The following ZBTB7C variants were observed in gnomAD, a reference collection of about 807,000 sequenced individuals.
ZBTB7C encodes the protein zinc finger and BTB domain-containing protein 7C.
ZBTB7C carries 8 observed loss-of-function variants against 25.7 expected under a neutral mutation model. The observed-to-expected ratio is 0.31, with a 90% confidence interval of 0.18 to 0.56. The LOEUF is 0.56. Ranked by LOEUF, ZBTB7C falls within the 20% of genes least tolerant of loss-of-function variation. The pLI is 0.91. For missense variants in ZBTB7C, 824 were observed against 855.2 expected (o/e 0.96, Z 0.46); for synonymous variants, 394 against 369.0 (o/e 1.07, Z -0.78).
At chr18:48,142,903 T>A (rs1423598616) in intron 3 of ZBTB7C, among the ~76,000 whole-genome samples, 1 of 152,068 alleles carries the variant, frequency 6.6e-6, no homozygotes, top group Non-Finnish European at 1.5e-5. Flanking sequence ...TTCCTTCCCT[T>A]CACAGGTATG....
At chr18:48,292,943 C>T (rs1390569460) in intron 2 of ZBTB7C, among the ~76,000 whole-genome samples, 3 of 152,264 alleles carry the variant, frequency 2.0e-5, no homozygotes, top group East Asian at 3.9e-4. Context: ...TGGTGACACC[C>T]CCACCCCTGC....
At chr18:48,344,480 G>A (rs1303217097) in intron 1 of ZBTB7C, among the ~76,000 whole-genome samples, 2 of 152,074 alleles carry the variant, frequency 1.3e-5, no homozygotes, top group African/African-American at 4.8e-5. Context: ...AGTGGAGGAC[G>A]TCCTGGCACG....
upstream of ZBTB7C, chr18:48,409,524 G>C (rs966627685): frequency 6.8e-6 from 1 of 147,988 alleles, no homozygotes; most frequent in Non-Finnish European, 1.5e-5. Context: ...GGCTCGGGGG[G>C]CGCACAGGGC....
At chr18:48,055,180 C>T (rs1221545138) in intron 3 of ZBTB7C, among the ~76,000 whole-genome samples, 2 of 151,374 alleles carry the variant, frequency 1.3e-5, no homozygotes, top group East Asian at 1.9e-4. Flanking sequence ...GAGGCTGAGG[C>T]GGGAGGATCA....
intron 3 of ZBTB7C, among the ~76,000 whole-genome samples, chr18:48,164,833 T>C (rs1255989216): frequency 6.6e-6 from 1 of 152,138 alleles, no homozygotes. Context: ...CAGATGACTT[T>C]AGACATATTA....
rs4940202 is a variant in ZBTB7C, at chr18:48,035,806, A to T, written c.1208+4094T>A. Among the ~76,000 whole-genome samples, 616 of 152,192 alleles carry T rather than the reference A, an allele frequency of 4.0e-3. 4 individuals are homozygous for T. The highest frequency in any genetic ancestry group is 0.014 in the African/African-American group (574 of 41,532). On this transcript the variant is annotated intron_variant, in intron 4 of 4. Transcript: ENST00000590800. Reference sequence around the variant, plus strand: ...TCCTAACCTTTGGCTCCTGGCTTCCAGACTTTCTGGGAAGAGAAGGGAAAG... The same window carrying T: ...TCCTAACCTTTGGCTCCTGGCTTCCTGACTTTCTGGGAAGAGAAGGGAAAG...
At chr18:48,257,885 T>C (rs2044064189) in intron 2 of ZBTB7C, among the ~76,000 whole-genome samples, 1 of 151,772 alleles carries the variant, frequency 6.6e-6, no homozygotes, top group Non-Finnish European at 1.5e-5. Context: ...TCAATAAATA[T>C]CAGCTGGGCA....
intron 2 of ZBTB7C, among the ~76,000 whole-genome samples, chr18:48,322,088 A>C (rs559185920): frequency 6.6e-6 from 1 of 152,294 alleles, no homozygotes; most frequent in South Asian, 2.1e-4. Context: ...CAAACAAGAG[A>C]GGCCATTTTC....
chr18:48,354,311 C>T (rs2046928317), intron 1 of ZBTB7C, among the ~76,000 whole-genome samples: 1 of 152,156 alleles, frequency 6.6e-6, no homozygotes, highest in Admixed American at 6.5e-5. Context: ...AGGTGCACAC[C>T]ACTGTGTCCA....
chr18:48,374,864 G>A (rs1389090500), intron 1 of ZBTB7C, among the ~76,000 whole-genome samples: 1 of 152,244 alleles, frequency 6.6e-6, no homozygotes, highest in Non-Finnish European at 1.5e-5. Flanking sequence ...CACAAGAGCT[G>A]TGAGGCCAGC....
In ZBTB7C at chr18:48,029,350, C is replaced by T. The variant is rs766210423; in HGVS notation, c.1770G>A (p.Pro590=). Residue 590 remains proline, a synonymous_variant, in exon 5 of 5, where the codon CCG becomes CCA. Coordinates refer to ENST00000590800, the MANE Select transcript of ZBTB7C (RefSeq NM_001318841.2). ...ENVAAARPYF[P]LPDPWAAGLA... The stretch of plus-strand genomic sequence containing the variant: ...GGCCGGCGGCCCAAGGGTCGGGCAG[C>T]GGGAAGTAGGGCCGCGCCGCCGCCA... 8.4e-6 allele frequency: 13 copies of T among 1,544,614 alleles called. No homozygotes were observed. The highest frequency in any genetic ancestry group is 4.9e-5 in the East Asian group (2 of 41,098).
At chr18:48,067,289 T>C (rs1001219082) in intron 3 of ZBTB7C, among the ~76,000 whole-genome samples, 1 of 152,142 alleles carries the variant, frequency 6.6e-6, no homozygotes, top group African/African-American at 2.4e-5. Flanking sequence ...CCATGATAAA[T>C]AAAACAGCAA....
At chr18:48,323,898 A>C (rs2144868884) in intron 2 of ZBTB7C, among the ~76,000 whole-genome samples, 1 of 152,096 alleles carries the variant, frequency 6.6e-6, no homozygotes, top group Admixed American at 6.5e-5. Flanking sequence ...ATATGCTGAA[A>C]CCCTAATCGC....
chr18:48,358,782 C>A (rs2047035726), intron 1 of ZBTB7C, among the ~76,000 whole-genome samples: 1 of 152,170 alleles, frequency 6.6e-6, no homozygotes, highest in African/African-American at 2.4e-5. Flanking sequence ...AGAGTGGTGA[C>A]AAGCCTGTGA....
chr18:48,376,890 T>G (rs867537462), intron 1 of ZBTB7C, among the ~76,000 whole-genome samples: 1 of 152,160 alleles, frequency 6.6e-6, no homozygotes, highest in Non-Finnish European at 1.5e-5. Flanking sequence ...CTGCCTCTGG[T>G]GCACAGAAAC....
At chr18:48,087,029 A>G (rs2038215501) in intron 3 of ZBTB7C, among the ~76,000 whole-genome samples, 1 of 152,160 alleles carries the variant, frequency 6.6e-6, no homozygotes, top group Non-Finnish European at 1.5e-5. Context: ...AATGATCCTC[A>G]TTTTCCAGAT....
chr18:48,239,947 A>G (rs2043479987), intron 2 of ZBTB7C, among the ~76,000 whole-genome samples: 1 of 152,200 alleles, frequency 6.6e-6, no homozygotes, highest in South Asian at 2.1e-4. Context: ...GTGAAAACCA[A>G]CTTAAAGAAA....
intron 1 of ZBTB7C, among the ~76,000 whole-genome samples, chr18:48,350,263 G>A (rs868359627): frequency 7.2e-5 from 11 of 152,266 alleles, no homozygotes; most frequent in Middle Eastern, 3.4e-3. Context: ...AGGCTCTAGG[G>A]AGGAACATCT....
chr18:48,290,445 C>T (rs967635820), intron 2 of ZBTB7C, among the ~76,000 whole-genome samples: 3 of 152,244 alleles, frequency 2.0e-5, no homozygotes. Flanking sequence ...GGTTTGCAGC[C>T]TTCCAGTCAG....
Sources: allele counts gnomAD v4.1 joint callset (sites outside exome capture counted in the v4.1 genomes callset), GRCh38; gene constraint gnomAD v4.1.1; transcripts MANE v1.5; gene names NCBI Gene and HGNC (gene_info 2026-07-23, HGNC 2026-07-21).